C8orf34: variants seen among roughly 807,000 people sequenced by gnomAD.
The protein encoded by C8orf34 is chromosome 8 open reading frame 34.
A neutral mutation model predicts 68.3 loss-of-function variants in C8orf34; 65 were observed. The ratio of observed to expected loss-of-function variants is 0.95; its 90% CI spans 0.78 to 1.17. C8orf34 has a LOEUF of 1.17. Ranked by LOEUF, C8orf34 falls within the 50% of genes most tolerant of loss-of-function variation. The probability of loss-of-function intolerance (pLI) is 0.00; values close to 1 mark genes in which losing one functional copy is unlikely to be tolerated. For missense variants in C8orf34, 664 were observed against 655.4 expected (o/e 1.01, Z -0.14); for synonymous variants, 244 against 241.2 (o/e 1.01, Z -0.11).
intron 7 of C8orf34, 69 bp downstream of exon 7, chr8:68,533,218 G>T: frequency 6.6e-7 from 1 of 1,503,790 alleles, no homozygotes; most frequent in South Asian, 1.4e-5. Flanking sequence ...TGGTGATTAA[G>T]AGATTTTAAA....
intron 3 of C8orf34, among the ~76,000 whole-genome samples, chr8:68,458,235 C>A (rs551664685): frequency 7.9e-5 from 12 of 152,248 alleles, no homozygotes; most frequent in African/African-American, 2.9e-4. Context: ...CTCTATTGTG[C>A]AGCATATAAT....
At chr8:68,627,323 C>T (rs1818565789) in intron 7 of C8orf34, among the ~76,000 whole-genome samples, 1 of 152,110 alleles carries the variant, frequency 6.6e-6, no homozygotes, top group African/African-American at 2.4e-5. Flanking sequence ...GTCCCTGAGA[C>T]AACAACTCCT....
rs776906137 is a variant in C8orf34, at chr8:68,521,673, AG to A, written c.766-125del. On this transcript the variant is annotated intron_variant, in intron 5 of 13. Transcript: ENST00000518698. ...ATCTAGTAGAGTTGGAGGAAACTGA[AG>A]TTTTGTATCAATTCAGAAAGACAAA... 210 of 753,852 alleles carry A rather than the reference AG, an allele frequency of 2.8e-4. 1 individual carries two copies. The East Asian group carries it at 4.0e-3, about 14-fold the overall frequency. 46.7% of individuals were successfully genotyped at this position (753,852 alleles called of 1,614,324 possible).
chr8:68,801,347 G>A (rs1421627466), intron 12 of C8orf34, among the ~76,000 whole-genome samples: 1 of 152,198 alleles, frequency 6.6e-6, no homozygotes, highest in African/African-American at 2.4e-5. Flanking sequence ...TACTAGGCTT[G>A]CCTTCTCTCA....
chr8:68,511,358 G>A (rs989384249), intron 5 of C8orf34, among the ~76,000 whole-genome samples: 1 of 152,132 alleles, frequency 6.6e-6, no homozygotes, highest in Non-Finnish European at 1.5e-5. Context: ...CTAGGGTTGG[G>A]CTGCACAGTC....
intron 1 of C8orf34, among the ~76,000 whole-genome samples, chr8:68,363,202 TA>T: frequency 1.0e-5 from 1 of 97,088 alleles, no homozygotes; most frequent in South Asian, 4.2e-4. Flanking sequence ...GAAAAAAGAA[TA>T]AAAAGAAATG....
At chr8:68,549,667 T>C (rs1816000454) in intron 7 of C8orf34, among the ~76,000 whole-genome samples, 1 of 151,730 alleles carries the variant, frequency 6.6e-6, no homozygotes, top group Non-Finnish European at 1.5e-5. Flanking sequence ...AATTTGGTCT[T>C]GCTTCTGAAG....
At chr8:68,456,116 C>T (rs892011611) in intron 3 of C8orf34, among the ~76,000 whole-genome samples, 15 of 150,700 alleles carry the variant, frequency 1.0e-4, no homozygotes, top group Admixed American at 6.6e-4. Context: ...ATTAGCAGGG[C>T]GTGGTGGTGG....
At chr8:68,687,765 G>A (rs1337627193) in intron 8 of C8orf34, among the ~76,000 whole-genome samples, 2 of 151,772 alleles carry the variant, frequency 1.3e-5, no homozygotes, top group Non-Finnish European at 2.9e-5. Context: ...AAATAAATAG[G>A]ACCTAATTAA....
intron 10 of C8orf34, among the ~76,000 whole-genome samples, chr8:68,773,588 C>A (rs568598456): frequency 6.6e-6 from 1 of 151,822 alleles, no homozygotes; most frequent in Admixed American, 6.6e-5. Context: ...TTGGTAAAGA[C>A]GAGGTTTCAC....
intron 7 of C8orf34, among the ~76,000 whole-genome samples, chr8:68,538,061 T>C (rs944774087): frequency 1.3e-5 from 2 of 152,202 alleles, no homozygotes; most frequent in Admixed American, 1.3e-4. Flanking sequence ...ATCTCAATTA[T>C]ACACCTATTG....
At chr8:68,533,767 T>G in intron 7 of C8orf34, 2 of 964,550 alleles carry the variant, frequency 2.1e-6, no homozygotes, top group Non-Finnish European at 2.5e-6. Context: ...CAGAAATCTC[T>G]TCATATAAAT....
intron 10 of C8orf34, among the ~76,000 whole-genome samples, chr8:68,727,069 T>A (rs529791155): frequency 3.3e-4 from 51 of 152,288 alleles, no homozygotes; most frequent in African/African-American, 1.2e-3. Context: ...AAGTCTCATC[T>A]GAGACAAAGC....
chr8:68,355,909 C>T (rs1016876940), intron 1 of C8orf34, among the ~76,000 whole-genome samples: 1 of 152,160 alleles, frequency 6.6e-6, no homozygotes, highest in African/African-American at 2.4e-5. Context: ...TCCAACTCCC[C>T]TGTTTCTCTG....
At chr8:68,563,164 A>G (rs1816485351) in intron 7 of C8orf34, among the ~76,000 whole-genome samples, 1 of 152,156 alleles carries the variant, frequency 6.6e-6, no homozygotes, top group Non-Finnish European at 1.5e-5. Context: ...TTTCAGAGAA[A>G]TTGCTTAACC....
At chr8:68,761,891 A>T (rs1387502064) in intron 10 of C8orf34, among the ~76,000 whole-genome samples, 2 of 150,160 alleles carry the variant, frequency 1.3e-5, no homozygotes, top group Admixed American at 6.6e-5. Flanking sequence ...TATGTGATTT[A>T]AAAAAAAATA....
intron 7 of C8orf34, among the ~76,000 whole-genome samples, chr8:68,583,279 G>C (rs1254646616): frequency 6.6e-6 from 1 of 152,064 alleles, no homozygotes; most frequent in African/African-American, 2.4e-5. Flanking sequence ...AAGATAAATA[G>C]TACATATATT....
chr8:68,637,525 C>G (rs1818881471), intron 7 of C8orf34, among the ~76,000 whole-genome samples: 1 of 151,990 alleles, frequency 6.6e-6, no homozygotes, highest in African/African-American at 2.4e-5. Flanking sequence ...AAAGTAGTAT[C>G]TGGTAGGAAC....
chr8:68,717,889 G>A (rs529999406), intron 9 of C8orf34, among the ~76,000 whole-genome samples: 34 of 152,140 alleles, frequency 2.2e-4, no homozygotes, highest in African/African-American at 8.2e-4. Flanking sequence ...TCTTATGATC[G>A]ACCTTTAACC....
Sources: allele counts gnomAD v4.1 joint callset (sites outside exome capture counted in the v4.1 genomes callset), GRCh38; gene constraint gnomAD v4.1.1; transcripts MANE v1.5; gene names NCBI Gene and HGNC (gene_info 2026-07-23, HGNC 2026-07-21).